The following TRIM67 variants were observed in gnomAD, a reference collection of about 807,000 sequenced individuals.
The protein encoded by TRIM67 is tripartite motif-containing protein 67.
In TRIM67, 39 loss-of-function variants were observed where a neutral mutation model predicts 71.0. That is an observed-to-expected ratio of 0.55 (90% CI 0.43 to 0.72). TRIM67 has a LOEUF of 0.72. TRIM67 is among the 30% of genes least tolerant of loss of function. The pLI is 0.00. For missense variants in TRIM67, 973 were observed against 1,079.2 expected (o/e 0.90, Z 1.38); for synonymous variants, 481 against 473.9 (o/e 1.01, Z -0.19).
chr1:231,191,044 G>A (rs575280513), intron 1 of TRIM67, among the ~76,000 whole-genome samples: 4 of 152,092 alleles, frequency 2.6e-5, no homozygotes, highest in African/African-American at 7.2e-5. Flanking sequence ...TAGGCTGGAC[G>A]CTAGGGAAGT....
At chr1:231,193,881 A>G (rs996082284) in intron 1 of TRIM67, among the ~76,000 whole-genome samples, 2 of 152,172 alleles carry the variant, frequency 1.3e-5, no homozygotes, top group Admixed American at 6.5e-5. Context: ...GGACGGTACC[A>G]AGACACTCAT....
chr1:231,188,280 G>C (rs1280756002), intron 1 of TRIM67, among the ~76,000 whole-genome samples: 2 of 152,188 alleles, frequency 1.3e-5, no homozygotes, highest in Non-Finnish European at 2.9e-5. Context: ...AGCCCAGACT[G>C]ATGGCAACGT....
chr1:231,190,558 C>G (rs1440362448), intron 1 of TRIM67, among the ~76,000 whole-genome samples: 1 of 152,180 alleles, frequency 6.6e-6, no homozygotes, highest in Admixed American at 6.5e-5. Flanking sequence ...CGGCCCCCGG[C>G]GTAACATACC....
chr1:231,196,316 G>T (rs1317274072), intron 1 of TRIM67, among the ~76,000 whole-genome samples: 1 of 152,036 alleles, frequency 6.6e-6, no homozygotes, highest in African/African-American at 2.4e-5. Flanking sequence ...AAAAATCAGG[G>T]TCACAGTCTG....
rs990190526 is a variant in TRIM67, at chr1:231,219,052, C to A, written c.*3612C>A. On this transcript the variant is annotated 3_prime_UTR_variant, in exon 10 of 10. Transcript: ENST00000366653. Reference sequence around the variant, plus strand: ...CACCGGTGGGCAGGTGGTTCAGTGTCAAGGAGGCTGCTGCTGGTCCCATGG... The same window carrying A: ...CACCGGTGGGCAGGTGGTTCAGTGTAAAGGAGGCTGCTGCTGGTCCCATGG... 1.0e-6 allele frequency: 1 copy of A among 985,502 alleles called. No homozygotes were observed. Among genetic ancestry groups the A allele is most frequent in the Non-Finnish European group, 1.2e-6 (1 of 830,018 alleles). 61.0% of individuals were successfully genotyped at this position (985,502 alleles called of 1,614,324 possible).
chr1:231,187,092 G>A (rs76300083), intron 1 of TRIM67, among the ~76,000 whole-genome samples: 5,793 of 152,264 alleles, frequency 0.038, 142 homozygotes, highest in Non-Finnish European at 0.055. Context: ...CCAGGCAATG[G>A]TGTGACCAGG....
rs935630178 is a variant in TRIM67 at position 231,205,163 on chromosome 1, C to T, written c.1680+1151C>T. 2.6e-5 allele frequency among the ~76,000 whole-genome samples: 4 copies of T among 152,194 alleles called. No individual in the cohort carries two copies. In the South Asian group the frequency reaches 8.3e-4, roughly 31 times the overall value. On this transcript the variant is annotated intron_variant, in intron 6 of 9. Coordinates refer to ENST00000366653, the MANE Select transcript of TRIM67 (RefSeq NM_001004342.5). The stretch of plus-strand genomic sequence containing the variant: ...ACAGAGCTTAAAAATGGTCCCTCCT[C>T]TTTGAGACATGGCCACTAACAAAAG...
rs1424743558 is a variant in TRIM67 at position 231,162,406 on chromosome 1, G to C, written c.-564G>C. The C allele has an allele frequency of 6.6e-6, 1 of 152,230 alleles. No homozygotes were observed. Among genetic ancestry groups the C allele is most frequent in the East Asian group, 1.9e-4 (1 of 5,180 alleles). The allele number at this position is 152,230 out of a possible 1,614,324, so 9.4% of individuals were successfully genotyped here. A position where few individuals can be genotyped will look rare whatever the true frequency, so the allele number is the denominator to read the frequency against. ...AGCAGGCAGCTGGAGCCCCACCTTC[G>C]GCTCCCGGGCGCTGTCCGCCGCCTC... On this transcript the variant is annotated 5_prime_UTR_variant, in exon 1 of 10. Coordinates refer to ENST00000366653, the MANE Select transcript of TRIM67 (RefSeq NM_001004342.5).
rs1167030756 is a variant in TRIM67 at position 231,163,789 on chromosome 1, G to A, written c.820G>A (p.Ala274Thr). The A allele has an allele frequency of 4.0e-6, 6 of 1,484,222 alleles. No individual in the cohort carries two copies. Among genetic ancestry groups the A allele is most frequent in the East Asian group, 2.8e-5 (1 of 35,752 alleles). The allele number at this position is 1,484,222 out of a possible 1,614,324, so 91.9% of individuals were successfully genotyped here. ...CGGGCCCACTGGCACCGCCCAGGGC[G>A]CCCCCAGCGGAGGCGGCGGCTGCAA... ...ASGPTGTAQG[A>T]PSGGGGCKSP... Residue 274 changes from alanine to threonine, a missense_variant, in exon 1 of 10, where the codon GCC becomes ACC. Transcript: ENST00000366653.
intron 4 of TRIM67, among the ~76,000 whole-genome samples, chr1:231,200,467 G>A (rs144162864): frequency 3.9e-4 from 59 of 152,360 alleles, no homozygotes; most frequent in Middle Eastern, 3.4e-3. Context: ...AAACGAGGAG[G>A]TGAAATGACA....
At chr1:231,187,697 G>C in intron 1 of TRIM67, 1 of 861,022 alleles carries the variant, frequency 1.2e-6, no homozygotes, top group Non-Finnish European at 1.7e-6. Flanking sequence ...GAGTGGGAGA[G>C]GCGGGGTGGG....
intron 1 of TRIM67, among the ~76,000 whole-genome samples, chr1:231,170,501 T>C (rs2102715031): frequency 6.6e-6 from 1 of 152,344 alleles, no homozygotes; most frequent in East Asian, 1.9e-4. Context: ...TATTTCATAA[T>C]GTTTGCTGTG....
chr1:231,179,423 C>T lies in TRIM67; in HGVS notation c.1044+15410C>T, dbSNP rs144291555. Among the ~76,000 whole-genome samples, 22 of 152,304 alleles carry T rather than the reference C, an allele frequency of 1.4e-4. No individual in the cohort carries two copies. The East Asian group carries it at 1.9e-3, about 13-fold the overall frequency. On this transcript the variant is annotated intron_variant, in intron 1 of 9. Coordinates refer to ENST00000366653, the MANE Select transcript of TRIM67 (RefSeq NM_001004342.5). ...GCAAACAAGAAAGCATTCTGAGGTC[C>T]GGTTAGGGGTTAGGATTTCAACCCC...
In TRIM67 at chr1:231,162,890, G is replaced by T. The variant is rs1682326941; in HGVS notation, c.-80G>T. ...GCCCGTCGTCTCACCGGGGCGCACC[G>T]CGCTGGTCCTCCTCCGCCAGTCTCC... On this transcript the variant is annotated 5_prime_UTR_variant, in exon 1 of 10. Transcript: ENST00000366653. 1 of 1,534,506 alleles carries T rather than the reference G, an allele frequency of 6.5e-7. No homozygotes were observed. Among genetic ancestry groups the T allele is most frequent in the Non-Finnish European group, 8.7e-7 (1 of 1,145,816 alleles).
intron 1 of TRIM67, among the ~76,000 whole-genome samples, chr1:231,178,768 G>A (rs912520133): frequency 1.3e-5 from 2 of 152,222 alleles, no homozygotes; most frequent in Non-Finnish European, 2.9e-5. Context: ...GGAACTATAC[G>A]TCTTTGGATA....
intron 1 of TRIM67, among the ~76,000 whole-genome samples, chr1:231,192,255 T>A (rs1683251444): frequency 6.6e-6 from 1 of 152,064 alleles, no homozygotes; most frequent in Non-Finnish European, 1.5e-5. Flanking sequence ...TGGGCTCCAG[T>A]GATCTTCCTG....
rs1684069927 is a variant in TRIM67 at position 231,218,533 on chromosome 1, T to A, written c.*3093T>A. The A allele has an allele frequency of 1.0e-6, 1 of 985,320 alleles. No homozygotes were observed. The highest frequency in any genetic ancestry group is 1.7e-5 in the African/African-American group (1 of 57,234). The allele number at this position is 985,320 out of a possible 1,614,324, so 61.0% of individuals were successfully genotyped here. A position where few individuals can be genotyped will look rare whatever the true frequency, so the allele number is the denominator to read the frequency against. On this transcript the variant is annotated 3_prime_UTR_variant, in exon 10 of 10. Transcript: ENST00000366653. ...ATCCACTAGCACCTCACTGCATACA[T>A]AGCATCCCAGCTCCTAATTCAAAGC...
At position 231,201,511 on chromosome 1, in the gene TRIM67, T is replaced by C; in HGVS notation, c.1528T>C (p.Cys510Arg). The change falls in exon 5 of 10, where the codon TGT becomes CGT. Residue 510 changes from cysteine (C) to arginine (R), a missense_variant. By Grantham distance (180) the Cys-to-Arg change is radical (BLOSUM62 -3). Transcript: ENST00000366653. ...CCAGCTGGACTTCATTCAGATGAAA[T>C]GTAGGGGTGAGCCGCGGTTGGCCCC... ...IHQLDFIQMKCRVPPVPLLQL... is the reference protein window; with the variant it reads ...IHQLDFIQMKRRVPPVPLLQL... The C allele has an allele frequency of 6.2e-7, 1 of 1,613,682 alleles. No individual in the cohort carries two copies. Among genetic ancestry groups the C allele is most frequent in the African/African-American group, 1.3e-5 (1 of 75,028 alleles).
chr1:231,189,641 CT>C (rs1683181687), intron 1 of TRIM67, among the ~76,000 whole-genome samples: 1 of 152,118 alleles, frequency 6.6e-6, no homozygotes, highest in East Asian at 1.9e-4. Context: ...GATTTGGTGC[CT>C]GGCAGGACGT....
Sources: gnomAD v4.1 joint callset for allele counts (sites outside exome capture counted in the v4.1 genomes callset) on GRCh38, gnomAD v4.1.1 for gene constraint, MANE v1.5 for transcripts, NCBI Gene and HGNC (gene_info 2026-07-23, HGNC 2026-07-21) for gene names.